PON2: variants seen among roughly 807,000 people sequenced by gnomAD.
The protein encoded by PON2 is paraoxonase 2.
Under a neutral mutation model 36.6 loss-of-function variants are expected in PON2, and 27 were observed. That is an observed-to-expected ratio of 0.74 (90% confidence interval 0.54 to 1.02). PON2 has a LOEUF of 1.02. Ranked by LOEUF, PON2 falls within the 50% of genes least tolerant of loss-of-function variation. The pLI is 0.00. For missense variants in PON2, 363 were observed against 421.1 expected (o/e 0.86, Z 1.21); for synonymous variants, 149 against 156.3 (o/e 0.95, Z 0.35).
rs891969963 is a variant in PON2 at position 95,413,693 on chromosome 7, C to T, written c.202-1216G>A. On this transcript the variant is annotated intron_variant, in intron 3 of 8. Transcript: ENST00000222572. Reference sequence around the variant, plus strand: ...GGTGATGTTAAATTTTATGTGAATGCACTACCTAATTCAGTTTACTAATAC... The same window carrying T: ...GGTGATGTTAAATTTTATGTGAATGTACTACCTAATTCAGTTTACTAATAC... 1.2e-4 allele frequency among the ~76,000 whole-genome samples: 18 copies of T among 152,160 alleles called. 1 individual carries two copies. Among genetic ancestry groups the T allele is most frequent in the Admixed American group, 1.1e-3 (17 of 15,276 alleles).
intron 3 of PON2, among the ~76,000 whole-genome samples, chr7:95,414,285 G>A (rs1789010737): frequency 6.6e-6 from 1 of 152,144 alleles, no homozygotes; most frequent in African/African-American, 2.4e-5. Flanking sequence ...CCTCCACAAT[G>A]TAGGACCTCT....
chr7:95,409,902 TATC>T lies in PON2; in HGVS notation c.691_693del (p.Asp231del), dbSNP rs777031472. ...AAGATATTCTATAAGGGGCCATACT[TATC>T]ATCAGGTGAAATATTGATCCCATTT... On this transcript the variant is annotated inframe_deletion and splice_region_variant, in exon 6 of 9. Transcript: ENST00000222572. 13 of 1,612,298 alleles carry T rather than the reference TATC, an allele frequency of 8.1e-6. No individual in the cohort carries two copies. In the East Asian group the frequency reaches 2.5e-4, roughly 30 times the overall value.
At chr7:95,406,319 C>A in intron 7 of PON2, 72 bp from the exon 8 acceptor site, 1 of 1,482,652 alleles carries the variant, frequency 6.7e-7, no homozygotes, top group South Asian at 1.1e-5. Flanking sequence ...GGTAACCTTC[C>A]TGCCTCTATG....
Position 95,424,305 on chromosome 7 carries a change from C to T in PON2, c.145+210G>A. On this transcript the variant is annotated intron_variant, in intron 2 of 8. Coordinates refer to ENST00000222572, the MANE Select transcript of PON2 (RefSeq NM_000305.3). ...ATCAAATGCTAAACATAGAATTACA[C>T]ACAAAAAAGAATAATTTACAGTGAG... 5.2e-6 allele frequency: 3 copies of T among 578,110 alleles called. No homozygotes were observed. The South Asian group carries it at 6.4e-5, about 12-fold the overall frequency. The allele number at this position is 578,110 out of a possible 1,614,324, so 35.8% of individuals were successfully genotyped here. A position where few individuals can be genotyped will look rare whatever the true frequency, so the allele number is the denominator to read the frequency against.
Position 95,409,978 on chromosome 7 carries a change from G to A in PON2, c.618C>T (p.Tyr206=). The A allele has an allele frequency of 6.2e-7, 1 of 1,613,818 alleles. No homozygotes were observed. Among genetic ancestry groups the A allele is most frequent in the Non-Finnish European group, 8.5e-7 (1 of 1,179,856 alleles). The change falls in exon 6 of 9, where the codon TAC becomes TAT. Residue 206 remains tyrosine (Y), a synonymous_variant. Coordinates refer to ENST00000222572, the MANE Select transcript of PON2 (RefSeq NM_000305.3). ...YLNLHWANVV[Y]YSPNEVKVVA... ...CCACTTTAACTTCATTTGGACTGTA[G>A]TAAACAACATTTGCCCAGTGTAAGT...
At chr7:95,406,062 A>G (rs1809678823) in intron 8 of PON2, 57 bp downstream of exon 8, 3 of 1,528,316 alleles carry the variant, frequency 2.0e-6, no homozygotes, top group Admixed American at 1.7e-5. Context: ...AATTTATTGT[A>G]TTATTAGTTC....
intron 8 of PON2, 118 bp from the exon 9 acceptor site, chr7:95,405,606 A>G: frequency 2.0e-6 from 2 of 985,274 alleles, no homozygotes; most frequent in Non-Finnish European, 3.2e-6. Context: ...TGTTGAAAAT[A>G]GCAGTTACCA....
intron 1 of PON2, among the ~76,000 whole-genome samples, chr7:95,433,903 C>A (rs554552144): frequency 7.9e-5 from 12 of 152,240 alleles, no homozygotes; most frequent in Admixed American, 7.8e-4. Flanking sequence ...TTGTGTCTGT[C>A]CTTAGAACAT....
In PON2 at chr7:95,412,246, C is replaced by G. The variant is rs1021588167; in HGVS notation, c.367+66G>C. The G allele has an allele frequency of 5.7e-6, 9 of 1,570,730 alleles. No individual in the cohort carries two copies. The African/African-American group carries it at 1.2e-4, about 21-fold the overall frequency. ...CTCTTCCTAGAAATATGATCCAAAT[C>G]TATTTTTCACAGTCATTTGTGAACC... On this transcript the variant is annotated intron_variant, in intron 4 of 8. Transcript: ENST00000222572.
intron 1 of PON2, among the ~76,000 whole-genome samples, chr7:95,433,984 A>G (rs1458667317): frequency 1.3e-5 from 2 of 152,248 alleles, no homozygotes; most frequent in African/African-American, 4.8e-5. Flanking sequence ...GTCGTACTCT[A>G]CTATAGAAGC....
intron 5 of PON2, among the ~76,000 whole-genome samples, chr7:95,410,548 GTTA>G (rs1788897752): frequency 1.3e-5 from 2 of 152,194 alleles, no homozygotes; most frequent in Non-Finnish European, 2.9e-5. Flanking sequence ...CCCTGGCTTA[GTTA>G]TTAGTCAAAC....
At chr7:95,418,815 CCCCTT>C (rs1479533083) in intron 2 of PON2, among the ~76,000 whole-genome samples, 2 of 152,124 alleles carry the variant, frequency 1.3e-5, no homozygotes, top group Non-Finnish European at 2.9e-5. Context: ...CTCTCTCCCT[CCCCTT>C]CATCGGTTCT....
intron 8 of PON2, 131 bp from the exon 9 acceptor site, chr7:95,405,619 C>G: frequency 7.8e-6 from 7 of 896,772 alleles, no homozygotes; most frequent in Non-Finnish European, 1.3e-5. Context: ...AGTTACCAAT[C>G]TTTTTAATGT....
chr7:95,427,333 C>T (rs929495535), intron 1 of PON2, among the ~76,000 whole-genome samples: 2 of 152,070 alleles, frequency 1.3e-5, no homozygotes, highest in African/African-American at 4.8e-5. Flanking sequence ...AACGCCATGC[C>T]CAACCCCCTT....
At chr7:95,412,906 T>C (rs2116466605) in intron 3 of PON2, 1 of 257,668 alleles carries the variant, frequency 3.9e-6, no homozygotes, top group East Asian at 1.0e-4. Flanking sequence ...ATTTACATAT[T>C]GGTCTATTTA....
At chr7:95,431,153 G>A (rs1789433056) in intron 1 of PON2, among the ~76,000 whole-genome samples, 1 of 152,114 alleles carries the variant, frequency 6.6e-6, no homozygotes, top group East Asian at 1.9e-4. Flanking sequence ...GCTCAACTAG[G>A]GAGGGGTGGA....
At chr7:95,412,619 G>C in intron 3 of PON2, 142 bp from the exon 4 acceptor site, 1 of 796,126 alleles carries the variant, frequency 1.3e-6, no homozygotes, top group East Asian at 2.7e-5. Context: ...ACAGAGAAAA[G>C]ATAACAGAAA....
chr7:95,427,933 TAA>T (rs1441265615), intron 1 of PON2, among the ~76,000 whole-genome samples: 11 of 152,180 alleles, frequency 7.2e-5, no homozygotes, highest in Non-Finnish European at 4.4e-5. Flanking sequence ...TAAACACATA[TAA>T]GTGATGATAT....
chr7:95,431,698 A>C (rs1332238417), intron 1 of PON2, among the ~76,000 whole-genome samples: 1 of 151,956 alleles, frequency 6.6e-6, no homozygotes, highest in Non-Finnish European at 1.5e-5. Context: ...GGGATTACAG[A>C]CGTGAGCCAC....
Sources: allele counts gnomAD v4.1 joint callset (sites outside exome capture counted in the v4.1 genomes callset), GRCh38; gene constraint gnomAD v4.1.1; transcripts MANE v1.5; gene names NCBI Gene and HGNC (gene_info 2026-07-23, HGNC 2026-07-21).